PCDHGA8: variants seen among roughly 807,000 people sequenced by gnomAD.
The protein encoded by PCDHGA8 is protocadherin gamma subfamily A, 8.
A neutral mutation model predicts 59.2 loss-of-function variants in PCDHGA8; 45 were observed. That is an observed-to-expected ratio of 0.76 (90% confidence interval 0.60 to 0.98). PCDHGA8 has a LOEUF of 0.98. Among genes scored for constraint, PCDHGA8 ranks in the 50% least tolerant of loss-of-function variants. The pLI, the probability that PCDHGA8 is intolerant of heterozygous loss-of-function variation, is 0.00. For missense variants in PCDHGA8, 1,257 were observed against 1,196.2 expected (o/e 1.05, Z -0.75); for synonymous variants, 531 against 519.0 (o/e 1.02, Z -0.32).
chr5:141,413,578 C>G, intron 1 of PCDHGA8: 1 of 1,613,870 alleles, frequency 6.2e-7, no homozygotes, highest in Non-Finnish European at 8.5e-7. Flanking sequence ...TGACAATGCT[C>G]CAAAATTCCA....
In PCDHGA8 at chr5:141,489,088, G is replaced by GGCA; in HGVS notation, c.2425-5719_2425-5718insGCA. The GGCA allele has an allele frequency of 2.9e-6, 1 of 347,238 alleles. No individual in the cohort carries two copies. Among genetic ancestry groups the GGCA allele is most frequent in the Non-Finnish European group, 5.0e-6 (1 of 200,706 alleles). The allele number at this position is 347,238 out of a possible 1,614,324, so 21.5% of individuals were successfully genotyped here. A position where few individuals can be genotyped will look rare whatever the true frequency, so the allele number is the denominator to read the frequency against. The stretch of plus-strand genomic sequence containing the variant: ...CCCCTGCCCACCCCCGCCACTCGGT[G>GGCA]ACTAAGAACTGCTGCAAGCAGGCAA... On this transcript the variant is annotated intron_variant, in intron 1 of 3. Coordinates refer to ENST00000398604, the MANE Select transcript of PCDHGA8 (RefSeq NM_032088.2). This position sits in a 1 kb window ranked among gnomAD's most constrained non-coding sequence, Gnocchi z 4.5.
intron 1 of PCDHGA8, chr5:141,421,719 C>T (rs2096595246): frequency 6.2e-7 from 1 of 1,613,942 alleles, no homozygotes; most frequent in Non-Finnish European, 8.5e-7. Flanking sequence ...CAGATGTGGG[C>T]GTGAACTCCC....
chr5:141,418,821 C>G (rs750200042), intron 1 of PCDHGA8: 1 of 1,613,846 alleles, frequency 6.2e-7, no homozygotes, highest in Non-Finnish European at 8.5e-7. Flanking sequence ...AACATAGAAG[C>G]AAAAGACCGA....
Position 141,422,964 on chromosome 5 carries a change from G to C in PCDHGA8, c.2424+27727G>C, listed in dbSNP as rs375881737. 1.0e-4 allele frequency: 161 copies of C among 1,614,190 alleles called. No individual in the cohort carries two copies. In the African/African-American group the frequency reaches 1.9e-3, roughly 20 times the overall value. ...ACGGCTCCACTGGCGTGGAGCTGGC[G>C]CCCCGCTCTGCGGAACCTGGCTACC... On this transcript the variant is annotated intron_variant, in intron 1 of 3. Coordinates refer to ENST00000398604, the MANE Select transcript of PCDHGA8 (RefSeq NM_032088.2).
chr5:141,477,752 G>C lies in PCDHGA8; in HGVS notation c.2425-17055G>C. On this transcript the variant is annotated intron_variant, in intron 1 of 3. Coordinates refer to ENST00000398604, the MANE Select transcript of PCDHGA8 (RefSeq NM_032088.2). This position sits in a 1 kb window ranked among gnomAD's most constrained non-coding sequence, Gnocchi z 4.9. ...TCATATCAGCGATGGGGGCACCCCG[G>C]TCCTAGCCACCAACATCAGCGTGAA... The C allele has an allele frequency of 6.2e-7, 1 of 1,613,868 alleles. No homozygotes were observed.
chr5:141,422,349 T>C (rs768693451), intron 1 of PCDHGA8: 95 of 1,554,604 alleles, frequency 6.1e-5, no homozygotes, highest in Non-Finnish European at 8.2e-5. Flanking sequence ...ATGTGCAAGA[T>C]CAAGATTCTG....
chr5:141,470,444 A>G (rs970120314), intron 1 of PCDHGA8, among the ~76,000 whole-genome samples: 8 of 152,222 alleles, frequency 5.3e-5, no homozygotes, highest in African/African-American at 1.9e-4. Context: ...ATAATTTAAT[A>G]GCATCTTGAA....
At position 141,393,678 on chromosome 5, in the gene PCDHGA8, A is replaced by T; in HGVS notation, c.865A>T (p.Thr289Ser). The T allele has an allele frequency of 6.2e-7, 1 of 1,613,904 alleles. No homozygotes were observed. The highest frequency in any genetic ancestry group is 8.5e-7 in the Non-Finnish European group (1 of 1,179,908). ...ATTCCGGAAAATTAATGAAAAACAA[A>T]CTCCGTTATTCCAGCTTAATGAAAA... ...YKFRKINEKQ[T>S]PLFQLNENTG... The change falls in exon 1 of 4, where the codon ACT (threonine) becomes TCT (serine). Residue 289 changes from threonine to serine, a missense_variant. Physicochemically the swap from Thr to Ser is moderately conservative, Grantham distance 58 (BLOSUM62 1). Transcript: ENST00000398604.
chr5:141,485,797 C>T lies in PCDHGA8; in HGVS notation c.2425-9010C>T. 1 of 1,614,228 alleles carries T rather than the reference C, an allele frequency of 6.2e-7. No homozygotes were observed. Among genetic ancestry groups the T allele is most frequent in the South Asian group, 1.1e-5 (1 of 91,092 alleles). On this transcript the variant is annotated intron_variant, in intron 1 of 3. Coordinates refer to ENST00000398604, the MANE Select transcript of PCDHGA8 (RefSeq NM_032088.2). This position sits in a 1 kb window ranked among gnomAD's most constrained non-coding sequence, Gnocchi z 5.7. ...TGGATCGAGAGAAGCAATCGGACTACCGCCTGGTGCTGACTGCTGTCGATG... is the reference window on the plus strand; with the variant it reads ...TGGATCGAGAGAAGCAATCGGACTATCGCCTGGTGCTGACTGCTGTCGATG...
rs972633773 is a variant in PCDHGA8, at chr5:141,489,751, A to T, written c.2425-5056A>T. ...GGGCACCAATACTGTGAGCTTTTAC[A>T]CTCTAAGCCCCAACAGCCACTTCTC... On this transcript the variant is annotated intron_variant, in intron 1 of 3. Coordinates refer to ENST00000398604, the MANE Select transcript of PCDHGA8 (RefSeq NM_032088.2). The surrounding 1 kb of genome is among the most constrained non-coding windows in gnomAD (Gnocchi z 4.5). The T allele has an allele frequency of 1.9e-6, 3 of 1,613,740 alleles. No individual in the cohort carries two copies. Among genetic ancestry groups the T allele is most frequent in the African/African-American group, 2.7e-5 (2 of 74,840 alleles).
rs148675327 is a variant in PCDHGA8 at position 141,477,019 on chromosome 5, C to A, written c.2425-17788C>A. On this transcript the variant is annotated intron_variant, in intron 1 of 3. Coordinates refer to ENST00000398604, the MANE Select transcript of PCDHGA8 (RefSeq NM_032088.2). The surrounding 1 kb of genome is among the most constrained non-coding windows in gnomAD (Gnocchi z 4.9). ...AACTATTCGCCTTAGACCTTGTAAC[C>A]GGGATGCTGACAATCAAGGGTCGGC... The A allele has an allele frequency of 1.7e-5, 28 of 1,614,124 alleles. No individual in the cohort carries two copies. The African/African-American group carries it at 2.5e-4, about 15-fold the overall frequency.
chr5:141,419,165 A>G, intron 1 of PCDHGA8: 1 of 1,613,978 alleles, frequency 6.2e-7, no homozygotes, highest in Non-Finnish European at 8.5e-7. Flanking sequence ...ATCCTCCAGC[A>G]AAACCATAAC....
chr5:141,473,262 G>T (rs905961411), intron 1 of PCDHGA8, among the ~76,000 whole-genome samples: 2 of 152,188 alleles, frequency 1.3e-5, no homozygotes, highest in Admixed American at 6.5e-5. Flanking sequence ...AGTCCTTAGT[G>T]TATGCTATGA....
chr5:141,434,838 A>G (rs1363952147), intron 1 of PCDHGA8, among the ~76,000 whole-genome samples: 1 of 152,022 alleles, frequency 6.6e-6, no homozygotes, highest in Non-Finnish European at 1.5e-5. Context: ...GGCATTTATA[A>G]AGCAGACATC....
Position 141,393,362 on chromosome 5 carries a change from G to C in PCDHGA8, c.549G>C (p.Gln183His), listed in dbSNP as rs1377325166. 5.0e-6 allele frequency: 8 copies of C among 1,613,978 alleles called. No homozygotes were observed. The highest frequency in any genetic ancestry group is 6.8e-6 in the Non-Finnish European group (8 of 1,179,892). ...SPNHHFSLDV[Q>H]TGDNGAINPE... is the part of the protein sequence containing the mutation. ...ATCACCACTTCTCCCTGGACGTGCA[G>C]ACTGGAGACAATGGAGCCATAAACC... is the stretch of plus-strand genomic sequence containing the variant. Residue 183 changes from glutamine to histidine, a missense_variant, in exon 1 of 4, where the codon CAG becomes CAC. Gln to His is a conservative substitution (Grantham distance 24). Coordinates refer to ENST00000398604, the MANE Select transcript of PCDHGA8 (RefSeq NM_032088.2).
At chr5:141,412,139 T>C (rs1380576842) in intron 1 of PCDHGA8, 1 of 152,250 alleles carries the variant, frequency 6.6e-6, no homozygotes, top group Non-Finnish European at 1.5e-5. Flanking sequence ...TGGCCTCTGA[T>C]ACAAACTGCC....
intron 1 of PCDHGA8, chr5:141,422,736 C>T (rs1408210168): frequency 9.9e-6 from 16 of 1,608,328 alleles, no homozygotes; most frequent in Non-Finnish European, 1.2e-5. Context: ...TGCCTCTGTC[C>T]TCCTATGTCT....
Position 141,394,219 on chromosome 5 carries a change from C to T in PCDHGA8, c.1406C>T (p.Ala469Val), listed in dbSNP as rs1355390708. The T allele has an allele frequency of 6.2e-7, 1 of 1,613,786 alleles. No homozygotes were observed. Among genetic ancestry groups the T allele is most frequent in the Non-Finnish European group, 8.5e-7 (1 of 1,179,882 alleles). ...ATCCTAGAGAACAACCTGAGAGGAG[C>T]CTCCATCTTTTCCTTGACTGCACAC... ...AYILENNLRG[A>V]SIFSLTAHDP... Residue 469 changes from alanine (A) to valine (V), a missense_variant, in exon 1 of 4, where the codon GCC becomes GTC. Transcript: ENST00000398604.
At chr5:141,443,109 C>A (rs373919534) in intron 1 of PCDHGA8, among the ~76,000 whole-genome samples, 2 of 152,100 alleles carry the variant, frequency 1.3e-5, no homozygotes, top group South Asian at 2.1e-4. Flanking sequence ...CTGAACCTTG[C>A]TTTTCAAACC....
Sources: gnomAD v4.1 joint callset for allele counts (sites outside exome capture counted in the v4.1 genomes callset) on GRCh38, gnomAD v4.1.1 for gene constraint, Gnocchi (gnomAD v3.1) non-coding constraint, MANE v1.5 for transcripts, NCBI Gene and HGNC (gene_info 2026-07-23, HGNC 2026-07-21) for gene names.